Variants in IMPG2 observed in about 807,000 individuals in gnomAD.
The protein encoded by IMPG2 is IPM 200.
Under a neutral mutation model 129.2 loss-of-function variants are expected in IMPG2, and 91 were observed. The observed-to-expected ratio is 0.70, with a 90% CI of 0.59 to 0.84. The LOEUF (loss-of-function observed/expected upper bound fraction) is 0.84. Ranked by LOEUF, IMPG2 falls within the 40% of genes least tolerant of loss-of-function variation. The pLI is 0.00. For missense variants in IMPG2, 1,430 were observed against 1,461.7 expected, an observed-to-expected ratio of 0.98 and a Z score of 0.35; for synonymous variants, 510 against 517.7, an observed-to-expected ratio of 0.99 and a Z score of 0.20.
Position 101,269,521 on chromosome 3 carries a change from T to C in IMPG2, c.881A>G (p.Glu294Gly). The C allele has an allele frequency of 6.4e-7, 1 of 1,574,622 alleles. No individual in the cohort carries two copies. Among genetic ancestry groups the C allele is most frequent in the Non-Finnish European group, 8.7e-7 (1 of 1,144,304 alleles). Reference sequence around the variant, plus strand: ...TTTAGATAAGTCTATTTACCTAAATTCAAGTACACGAATTTCCTTGTAGCC... The same window carrying C: ...TTTAGATAAGTCTATTTACCTAAATCCAAGTACACGAATTTCCTTGTAGCC... Reference protein sequence around the residue: ...LPGYKEIRVLEFRSPKENDSG... With the variant: ...LPGYKEIRVLGFRSPKENDSG... Residue 294 changes from glutamate to glycine, a missense_variant, in exon 8 of 19, where the codon GAA (glutamate) becomes GGA (glycine). Coordinates refer to ENST00000193391, the MANE Select transcript of IMPG2 (RefSeq NM_016247.4).
At position 101,230,006 on chromosome 3, in the gene IMPG2, A is replaced by G. The variant is rs554218185; in HGVS notation, c.3423-416T>C. Among the ~76,000 whole-genome samples, 9 of 152,312 alleles carry G rather than the reference A, an allele frequency of 5.9e-5. No homozygotes were observed. The South Asian group carries it at 6.2e-4, about 11-fold the overall frequency. Reference sequence around the variant, plus strand: ...ACGGTCTAGGGGAAGCAGAGCCTCAATTAAATTCAACTCAGGTCTACACAT... The same window carrying G: ...ACGGTCTAGGGGAAGCAGAGCCTCAGTTAAATTCAACTCAGGTCTACACAT... On this transcript the variant is annotated intron_variant, in intron 16 of 18. Coordinates refer to ENST00000193391, the MANE Select transcript of IMPG2 (RefSeq NM_016247.4).
intron 2 of IMPG2, among the ~76,000 whole-genome samples, chr3:101,313,132 A>G (rs559198815): frequency 6.6e-6 from 1 of 152,260 alleles, no homozygotes; most frequent in African/African-American, 2.4e-5. Context: ...AAAAAATGCA[A>G]TTCCCTCTGG....
chr3:101,268,766 T>C (rs1289408549), intron 8 of IMPG2, among the ~76,000 whole-genome samples: 1 of 152,134 alleles, frequency 6.6e-6, no homozygotes, highest in African/African-American at 2.4e-5. Context: ...ACCTAAATCA[T>C]GGCATTGAGT....
At chr3:101,310,451 C>T (rs1257065116) in intron 2 of IMPG2, among the ~76,000 whole-genome samples, 1 of 151,582 alleles carries the variant, frequency 6.6e-6, no homozygotes. Flanking sequence ...TCCAGCTACT[C>T]CGGAGGCTGA....
In IMPG2 at chr3:101,226,166, A is replaced by C. The variant is rs1706219366; in HGVS notation, c.*803T>G. On this transcript the variant is annotated 3_prime_UTR_variant, in exon 19 of 19. Transcript: ENST00000193391. ...GCACTGGGGTCTTGACCCGACACTC[A>C]CTCCCTCCCTGCCCATGTGATTAAA... 2 of 144,202 alleles carry C rather than the reference A, an allele frequency of 1.4e-5. No individual in the cohort carries two copies. Among genetic ancestry groups the C allele is most frequent in the South Asian group, 2.2e-4 (1 of 4,486 alleles). 8.9% of individuals were successfully genotyped at this position (144,202 alleles called of 1,614,324 possible). A position where few individuals can be genotyped will look rare whatever the true frequency, so the allele number is the denominator to read the frequency against.
At chr3:101,268,375 G>C (rs1305186971) in intron 8 of IMPG2, among the ~76,000 whole-genome samples, 3 of 152,120 alleles carry the variant, frequency 2.0e-5, no homozygotes, top group African/African-American at 4.8e-5. Context: ...TACAACTGGA[G>C]GCAGCATCCT....
At chr3:101,307,861 C>G (rs113056243) in intron 2 of IMPG2, among the ~76,000 whole-genome samples, 1 of 152,180 alleles carries the variant, frequency 6.6e-6, no homozygotes. Flanking sequence ...TCATCTGAGA[C>G]AAGGCAAGTC....
In IMPG2 at chr3:101,253,768, C is replaced by T. The variant is rs753305302; in HGVS notation, c.1167G>A (p.Leu389=). The change falls in exon 11 of 19, where the codon TTG becomes TTA. Residue 389 remains leucine, a synonymous_variant. Transcript: ENST00000193391. ...AAACTAGATCTTCAGTTTGGTGACG[C>T]AAAACTCCTCTCACTGAGGAAAGAA... ...SLQLINVRGV[L]RHQTEDLVWN... is the part of the protein sequence containing the mutation. The T allele has an allele frequency of 6.2e-7, 1 of 1,609,710 alleles. No individual in the cohort carries two copies. Among genetic ancestry groups the T allele is most frequent in the African/African-American group, 1.3e-5 (1 of 74,762 alleles).
intron 15 of IMPG2, 70 bp downstream of exon 15, chr3:101,232,711 G>T: frequency 1.5e-6 from 2 of 1,309,304 alleles, no homozygotes; most frequent in Non-Finnish European, 2.2e-6. Flanking sequence ...TAAAATTATA[G>T]GTGCAGGCCC....
At chr3:101,280,795 A>C (rs2107117710) in intron 4 of IMPG2, among the ~76,000 whole-genome samples, 1 of 152,146 alleles carries the variant, frequency 6.6e-6, no homozygotes, top group South Asian at 2.1e-4. Context: ...AAAAACATAC[A>C]AAAATTAGCC....
chr3:101,239,238 A>G (rs915796539), intron 14 of IMPG2, among the ~76,000 whole-genome samples: 8 of 152,238 alleles, frequency 5.3e-5, no homozygotes, highest in Non-Finnish European at 1.2e-4. Context: ...CAAATTTACA[A>G]GAAAAACACA....
At chr3:101,292,726 A>G (rs1195760809) in intron 3 of IMPG2, among the ~76,000 whole-genome samples, 1 of 152,206 alleles carries the variant, frequency 6.6e-6, no homozygotes, top group Non-Finnish European at 1.5e-5. Flanking sequence ...ATAACATTTT[A>G]TCTAAAAGTC....
At chr3:101,312,866 A>C (rs1441712381) in intron 2 of IMPG2, among the ~76,000 whole-genome samples, 2 of 152,120 alleles carry the variant, frequency 1.3e-5, no homozygotes, top group East Asian at 3.8e-4. Flanking sequence ...ATTTTATGAT[A>C]TATCCAGAAT....
chr3:101,307,526 A>C (rs1707217805), intron 2 of IMPG2, among the ~76,000 whole-genome samples: 1 of 152,190 alleles, frequency 6.6e-6, no homozygotes, highest in Non-Finnish European at 1.5e-5. Flanking sequence ...CAGGAGAAAG[A>C]AATGTTGAGT....
At chr3:101,269,700 A>G in intron 7 of IMPG2, 127 bp from the exon 8 acceptor site, 1 of 580,874 alleles carries the variant, frequency 1.7e-6, no homozygotes, top group South Asian at 2.5e-5. Context: ...ACACTTAGCT[A>G]GGCATACCCA....
intron 16 of IMPG2, 44 bp from the exon 17 acceptor site, chr3:101,229,634 C>A: frequency 6.5e-7 from 1 of 1,532,786 alleles, no homozygotes; most frequent in Middle Eastern, 1.8e-4. Context: ...TTTGGATGCT[C>A]AACTATGTGG....
At chr3:101,250,893 A>T (rs1312980309) in intron 11 of IMPG2, among the ~76,000 whole-genome samples, 1 of 152,182 alleles carries the variant, frequency 6.6e-6, no homozygotes, top group African/African-American at 2.4e-5. Context: ...AGGATTGAAA[A>T]CTACATATGT....
intron 18 of IMPG2, chr3:101,227,855 G>A (rs1274256130): frequency 6.6e-6 from 3 of 456,108 alleles, no homozygotes; most frequent in Admixed American, 2.3e-5. Flanking sequence ...ACGAGCAAAG[G>A]AGCCACCTAT....
At chr3:101,284,226 G>A (rs1215866718) in intron 4 of IMPG2, among the ~76,000 whole-genome samples, 2 of 152,176 alleles carry the variant, frequency 1.3e-5, no homozygotes, top group African/African-American at 4.8e-5. Context: ...GTTCAGTTGT[G>A]GATGTGTTGA....
Sources: gnomAD v4.1 joint callset for allele counts (sites outside exome capture counted in the v4.1 genomes callset) on GRCh38, gnomAD v4.1.1 for gene constraint, MANE v1.5 for transcripts, NCBI Gene and HGNC (gene_info 2026-07-23, HGNC 2026-07-21) for gene names.